C2orf76: variants seen among roughly 807,000 people sequenced by gnomAD.
The protein encoded by C2orf76 is UPF0538 protein C2orf76.
C2orf76 carries 23 observed loss-of-function variants against 16.9 expected under a neutral mutation model. That is an observed-to-expected ratio of 1.36 (90% CI 0.98 to 1.93). The LOEUF is 1.93. Among genes scored for constraint, C2orf76 ranks in the 30% most tolerant of loss-of-function variants. The probability of loss-of-function intolerance (pLI) is 0.00; values close to 1 mark genes in which losing one functional copy is unlikely to be tolerated. For missense variants in C2orf76, 152 were observed against 152.6 expected (o/e 1.00, Z 0.02); for synonymous variants, 48 against 52.3 (o/e 0.92, Z 0.35).
chr2:119,345,937 T>C (rs575555332), intron 1 of C2orf76, among the ~76,000 whole-genome samples: 2 of 151,016 alleles, frequency 1.3e-5, no homozygotes, highest in East Asian at 3.9e-4. Flanking sequence ...GGCGGGCGCC[T>C]GTAGCTACTC....
At chr2:119,296,020 A>C in the C2orf76 span, among the ~76,000 whole-genome samples, 26 of 152,208 alleles carry the variant, frequency 1.7e-4, no homozygotes, top group Non-Finnish European at 2.6e-4. Flanking sequence ...TCTAGCCCAA[A>C]ATGCACATTT....
chr2:119,311,141 C>A (rs1678972476), intron 5 of C2orf76: 1 of 985,200 alleles, frequency 1.0e-6, no homozygotes, highest in Non-Finnish European at 1.2e-6. Flanking sequence ...CAATCAGGTA[C>A]TTTTCAGCTG....
At chr2:119,288,990 T>C in the C2orf76 span, among the ~76,000 whole-genome samples, 1 of 151,994 alleles carries the variant, frequency 6.6e-6, no homozygotes, top group African/African-American at 2.4e-5. Context: ...AAATAATCTG[T>C]CTTCAAGCTG....
chr2:119,311,232 T>C, intron 5 of C2orf76: 2 of 985,426 alleles, frequency 2.0e-6, no homozygotes. Flanking sequence ...CCACACTGCA[T>C]GTGATACCAA....
chr2:119,334,798 C>A (rs1238996424), intron 2 of C2orf76, among the ~76,000 whole-genome samples: 1 of 151,886 alleles, frequency 6.6e-6, no homozygotes, highest in Non-Finnish European at 1.5e-5. Flanking sequence ...ACAAATGCTA[C>A]AACAACCTTA....
intron 1 of C2orf76, among the ~76,000 whole-genome samples, chr2:119,354,313 G>A (rs926724095): frequency 6.6e-6 from 1 of 152,170 alleles, no homozygotes; most frequent in Non-Finnish European, 1.5e-5. Flanking sequence ...TTGAGGTCAG[G>A]AGTTCGAGAC....
chr2:119,314,061 T>C (rs1679087541), intron 4 of C2orf76, among the ~76,000 whole-genome samples: 2 of 144,022 alleles, frequency 1.4e-5, no homozygotes, highest in African/African-American at 5.1e-5. Context: ...TAAATGAATT[T>C]TCGTGGAATA....
intron 4 of C2orf76, among the ~76,000 whole-genome samples, chr2:119,313,596 A>AAAAAAC (rs139155314): frequency 0.51 from 44,972 of 88,940 alleles, 8,376 homozygotes; most frequent in African/African-American, 0.64. Context: ...ATTGTGTCTC[A>AAAAAAC]AAAAAACAAA....
chr2:119,347,494 G>A (rs531812321), intron 1 of C2orf76, among the ~76,000 whole-genome samples: 2 of 152,116 alleles, frequency 1.3e-5, no homozygotes, highest in East Asian at 1.9e-4. Context: ...AAAAGACTGA[G>A]GAATATACAG....
chr2:119,361,616 T>A (rs1680746561), intron 1 of C2orf76, among the ~76,000 whole-genome samples: 1 of 152,074 alleles, frequency 6.6e-6, no homozygotes, highest in African/African-American at 2.4e-5. Context: ...TACATGCAAA[T>A]ACATCATTTT....
intron 1 of C2orf76, among the ~76,000 whole-genome samples, chr2:119,348,046 C>CAAAAA (rs1205382710): frequency 4.9e-5 from 4 of 81,984 alleles, no homozygotes; most frequent in Non-Finnish European, 7.1e-5. Flanking sequence ...GGCTCTGTCT[C>CAAAAA]AAAAAAAAAA....
chr2:119,333,097 G>A (rs1679728376), intron 2 of C2orf76, among the ~76,000 whole-genome samples: 1 of 152,214 alleles, frequency 6.6e-6, no homozygotes, highest in Non-Finnish European at 1.5e-5. Flanking sequence ...ACATCCTGTA[G>A]TAGAGTAGTA....
the C2orf76 span, among the ~76,000 whole-genome samples, chr2:119,286,455 A>C: frequency 1.3e-5 from 2 of 152,030 alleles, no homozygotes; most frequent in Non-Finnish European, 2.9e-5. Flanking sequence ...AAGTCTGAGA[A>C]AGTGGCAGCA....
At chr2:119,312,074 G>A (rs1260590179) in intron 4 of C2orf76, among the ~76,000 whole-genome samples, 1 of 152,120 alleles carries the variant, frequency 6.6e-6, no homozygotes, top group Non-Finnish European at 1.5e-5. Context: ...GTGACAGGAT[G>A]GGGCATATAA....
rs1238266589 is a variant in C2orf76, at chr2:119,345,225, C to A, written c.-12-5254G>T. 3.3e-5 allele frequency among the ~76,000 whole-genome samples: 5 copies of A among 152,186 alleles called. No homozygotes were observed. In the South Asian group the frequency reaches 6.2e-4, roughly 19 times the overall value. ...AAGGATAAAGGTAATTAACAGGCAA[C>A]TGGCTAAACTTAAGCCAATAATGTG... On this transcript the variant is annotated intron_variant, in intron 1 of 5. Coordinates refer to ENST00000334816, the MANE Select transcript of C2orf76 (RefSeq NM_001322331.2).
intron 4 of C2orf76, among the ~76,000 whole-genome samples, chr2:119,312,250 T>C (rs1279813809): frequency 6.6e-6 from 1 of 152,090 alleles, no homozygotes; most frequent in Non-Finnish European, 1.5e-5. Context: ...TACTTCCTTT[T>C]TTCGTTTTGT....
the C2orf76 span, among the ~76,000 whole-genome samples, chr2:119,287,008 T>C: frequency 6.6e-6 from 1 of 152,140 alleles, no homozygotes; most frequent in Non-Finnish European, 1.5e-5. Context: ...GCGAAGTCCC[T>C]CCTGATGGTT....
At chr2:119,325,812 C>T (rs746447828) in intron 2 of C2orf76, among the ~76,000 whole-genome samples, 6 of 151,910 alleles carry the variant, frequency 3.9e-5, no homozygotes, top group Non-Finnish European at 7.3e-5. Context: ...TCACTAAAGA[C>T]TAATGATGAG....
At chr2:119,355,717 A>G (rs902374886) in intron 1 of C2orf76, among the ~76,000 whole-genome samples, 1 of 152,172 alleles carries the variant, frequency 6.6e-6, no homozygotes. Context: ...CAGATGGGAC[A>G]GTTTCAACCC....
Sources: gnomAD v4.1 joint callset for allele counts (sites outside exome capture counted in the v4.1 genomes callset) on GRCh38, gnomAD v4.1.1 for gene constraint, MANE v1.5 for transcripts, NCBI Gene and HGNC (gene_info 2026-07-23, HGNC 2026-07-21) for gene names.